GALNTL6: variants seen among roughly 807,000 people sequenced by gnomAD.
The protein encoded by GALNTL6 is polypeptide N-acetylgalactosaminyltransferase-like 6.
GALNTL6 carries 46 observed loss-of-function variants against 73.7 expected under a neutral mutation model. That is an observed-to-expected ratio of 0.62 (90% CI 0.49 to 0.80). The LOEUF (loss-of-function observed/expected upper bound fraction) is 0.80. GALNTL6 is among the 30% of genes least tolerant of loss of function. GALNTL6 has a pLI of 0.00. For missense variants in GALNTL6, 604 were observed against 755.0 expected, an observed-to-expected ratio of 0.80 and a Z score of 2.34; for synonymous variants, 259 against 263.7, an observed-to-expected ratio of 0.98 and a Z score of 0.17.
intron 10 of GALNTL6, among the ~76,000 whole-genome samples, chr4:172,981,453 A>G (rs909322968): frequency 6.6e-6 from 1 of 152,182 alleles, no homozygotes; most frequent in Non-Finnish European, 1.5e-5. Flanking sequence ...CATTTCCCTA[A>G]TGACTAATGA....
At chr4:172,761,595 T>C (rs973057823) in intron 5 of GALNTL6, among the ~76,000 whole-genome samples, 7 of 152,292 alleles carry the variant, frequency 4.6e-5, no homozygotes, top group South Asian at 2.1e-4. Context: ...TTCCCCATGC[T>C]ATTCTAGTGA....
At chr4:172,620,005 C>T (rs1738893548) in intron 5 of GALNTL6, among the ~76,000 whole-genome samples, 1 of 152,186 alleles carries the variant, frequency 6.6e-6, no homozygotes, top group African/African-American at 2.4e-5. Flanking sequence ...CTCTTCAAAG[C>T]TACCTTTCCT....
chr4:172,934,780 G>A (rs1032858555), intron 9 of GALNTL6, among the ~76,000 whole-genome samples: 8 of 152,306 alleles, frequency 5.3e-5, no homozygotes, highest in South Asian at 4.1e-4. Flanking sequence ...TCACAGAAGC[G>A]TGAGCAGCTC....
At chr4:172,685,326 T>C (rs1218640491) in intron 5 of GALNTL6, among the ~76,000 whole-genome samples, 1 of 152,226 alleles carries the variant, frequency 6.6e-6, no homozygotes, top group Non-Finnish European at 1.5e-5. Context: ...TGGGCTTTTC[T>C]ACTCAATTAT....
intron 5 of GALNTL6, among the ~76,000 whole-genome samples, chr4:172,475,357 C>T (rs1439521195): frequency 6.6e-6 from 1 of 151,726 alleles, no homozygotes; most frequent in Non-Finnish European, 1.5e-5. Flanking sequence ...TTGGAAGTAT[C>T]TCATGATTCC....
intron 2 of GALNTL6, among the ~76,000 whole-genome samples, chr4:171,923,741 T>C (rs1737874857): frequency 6.6e-6 from 1 of 151,130 alleles, no homozygotes; most frequent in African/African-American, 2.4e-5. Context: ...AGTAGCCATT[T>C]GCAACTCTTC....
chr4:171,841,413 A>G (rs1286120821), intron 2 of GALNTL6, among the ~76,000 whole-genome samples: 1 of 152,176 alleles, frequency 6.6e-6, no homozygotes, highest in East Asian at 1.9e-4. Context: ...TGTTAGAGTT[A>G]ATAAACACTT....
At chr4:172,117,568 C>A (rs2110990803) in intron 2 of GALNTL6, among the ~76,000 whole-genome samples, 1 of 152,110 alleles carries the variant, frequency 6.6e-6, no homozygotes, top group South Asian at 2.1e-4. Flanking sequence ...TATTATTGTT[C>A]CTTATTTTGT....
At chr4:172,288,933 C>A (rs569736230) in intron 3 of GALNTL6, among the ~76,000 whole-genome samples, 2 of 151,924 alleles carry the variant, frequency 1.3e-5, no homozygotes, top group East Asian at 3.9e-4. Flanking sequence ...CTTTTCTTTC[C>A]TCTATTCTGT....
At chr4:172,222,919 C>T (rs532002127) in intron 2 of GALNTL6, among the ~76,000 whole-genome samples, 1 of 152,008 alleles carries the variant, frequency 6.6e-6, no homozygotes, top group South Asian at 2.1e-4. Context: ...GGACTAGTAA[C>T]TGAAGGTTTG....
intron 7 of GALNTL6, among the ~76,000 whole-genome samples, chr4:172,847,523 A>G (rs888857110): frequency 1.7e-4 from 26 of 151,980 alleles, no homozygotes; most frequent in African/African-American, 2.4e-5. Flanking sequence ...TTTTATTCTA[A>G]GTAATTCCGT....
chr4:172,264,555 A>AATATATAT (rs201920170), intron 3 of GALNTL6, among the ~76,000 whole-genome samples: 2,526 of 102,966 alleles, frequency 0.025, 48 homozygotes, highest in East Asian at 0.035. Context: ...ATATATGCCA[A>AATATATAT]ATATATATAT....
rs562879443 is a variant in GALNTL6 at position 173,008,835 on chromosome 4, C to T, written c.1372-343C>T. Among the ~76,000 whole-genome samples, 33 of 152,314 alleles carry T rather than the reference C, an allele frequency of 2.2e-4. 1 individual carries two copies. The highest frequency in any genetic ancestry group is 7.9e-4 in the African/African-American group (33 of 41,574). The stretch of plus-strand genomic sequence containing the variant: ...TTAAGCAAAAACCTTATGATTCTAA[C>T]ATCAGAAATCCTATGTATAGGAACA... On this transcript the variant is annotated intron_variant, in intron 10 of 12. Coordinates refer to ENST00000506823, the MANE Select transcript of GALNTL6 (RefSeq NM_001034845.3).
intron 5 of GALNTL6, among the ~76,000 whole-genome samples, chr4:172,447,015 A>G (rs537253378): frequency 2.6e-5 from 4 of 152,278 alleles, no homozygotes; most frequent in African/African-American, 9.6e-5. Flanking sequence ...AGGTCCTGGT[A>G]ACCCAAAGAT....
chr4:171,916,239 T>C, intron 2 of GALNTL6, among the ~76,000 whole-genome samples: 2 of 152,172 alleles, frequency 1.3e-5, no homozygotes, highest in East Asian at 3.9e-4. Flanking sequence ...ATCTAAAATA[T>C]CTAGAAAAGA....
chr4:172,741,028 T>A (rs1736773032), intron 5 of GALNTL6, among the ~76,000 whole-genome samples: 1 of 152,164 alleles, frequency 6.6e-6, no homozygotes, highest in Non-Finnish European at 1.5e-5. Context: ...AAATTACAGT[T>A]GATTTGCATT....
Position 171,922,840 on chromosome 4 carries a change from A to C in GALNTL6, c.138+108122A>C, listed in dbSNP as rs74696968. On this transcript the variant is annotated intron_variant, in intron 2 of 12. Transcript: ENST00000506823. ...ACTATTTAATATAGACCTCCTTTTA[A>C]ATGCTAATAAATAACATATTATGCT... 8.8e-3 allele frequency among the ~76,000 whole-genome samples: 1,346 copies of C among 152,220 alleles called. 12 individuals carry two copies. Among genetic ancestry groups the C allele is most frequent in the South Asian group, 0.015 (70 of 4,822 alleles).
At chr4:172,452,678 A>G (rs1461368855) in intron 5 of GALNTL6, among the ~76,000 whole-genome samples, 3 of 152,208 alleles carry the variant, frequency 2.0e-5, no homozygotes, top group South Asian at 2.1e-4. Flanking sequence ...TATAATAACA[A>G]GCTTTGTTTT....
At chr4:172,158,925 T>A (rs1291061232) in intron 2 of GALNTL6, among the ~76,000 whole-genome samples, 1 of 152,198 alleles carries the variant, frequency 6.6e-6, no homozygotes, top group Non-Finnish European at 1.5e-5. Context: ...TGAATGCAAC[T>A]GAAATTATTT....
Sources: allele counts gnomAD v4.1 joint callset (sites outside exome capture counted in the v4.1 genomes callset), GRCh38; gene constraint gnomAD v4.1.1; transcripts MANE v1.5; gene names NCBI Gene and HGNC (gene_info 2026-07-23, HGNC 2026-07-21).